LUC7L: variants seen among roughly 807,000 people sequenced by gnomAD.
The protein encoded by LUC7L is putative RNA-binding protein Luc7-like 1.
In LUC7L, 29 loss-of-function variants were observed where a neutral mutation model predicts 51.1. The ratio of observed to expected loss-of-function variants is 0.57; its 90% CI spans 0.42 to 0.77. The LOEUF (loss-of-function observed/expected upper bound fraction) is 0.77, where lower values mean the gene tolerates loss of function less well. LUC7L is among the 30% of genes least tolerant of loss of function. LUC7L has a pLI of 0.00. For synonymous variants in LUC7L, 181 were observed against 180.7 expected (o/e 1.00, Z -0.01); for missense variants, 403 against 511.9 (o/e 0.79, Z 2.05).
At chr16:193,965 G>A (rs963010221) in intron 6 of LUC7L, among the ~76,000 whole-genome samples, 8 of 151,582 alleles carry the variant, frequency 5.3e-5, no homozygotes, top group Non-Finnish European at 1.0e-4. Flanking sequence ...CACTGCGCCC[G>A]GCTAATTTTT....
chr16:194,763 G>A (rs574004821), intron 6 of LUC7L, among the ~76,000 whole-genome samples: 9 of 152,284 alleles, frequency 5.9e-5, no homozygotes, highest in African/African-American at 2.2e-4. Flanking sequence ...AAGGGGATGA[G>A]AAACCTCGCC....
chr16:221,391 G>A (rs1006603820), intron 2 of LUC7L, among the ~76,000 whole-genome samples: 4 of 152,122 alleles, frequency 2.6e-5, no homozygotes, highest in African/African-American at 9.6e-5. Flanking sequence ...ATGGCAGCAT[G>A]TGGGGTGGCA....
chr16:203,804 C>G (rs2049401807), intron 5 of LUC7L, among the ~76,000 whole-genome samples: 2 of 151,996 alleles, frequency 1.3e-5, no homozygotes, highest in Admixed American at 1.3e-4. Context: ...ATCATGAGGT[C>G]AGGAGATAGA....
At position 189,334 on chromosome 16, in the gene LUC7L, G is replaced by T. The variant is rs1357236667; in HGVS notation, c.980C>A (p.Ser327Tyr). ...CTCCTCTCTGGATGCCCGCTCTCTG[G>T]AGAACCTGGGAAATGGGAACCAGAG... is the stretch of plus-strand genomic sequence containing the variant. Reference protein sequence around the residue: ...SRDRSAKYKFSRERASREESW... With the variant: ...SRDRSAKYKFYRERASREESW... Residue 327 changes from serine (S) to tyrosine (Y), a missense_variant, in exon 10 of 10, where the codon TCC becomes TAC. Transcript: ENST00000293872. 2.5e-6 allele frequency: 4 copies of T among 1,607,936 alleles called. No homozygotes were observed. Among genetic ancestry groups the T allele is most frequent in the Non-Finnish European group, 3.4e-6 (4 of 1,177,446 alleles).
At chr16:226,517 A>G (rs575750563) in intron 2 of LUC7L, among the ~76,000 whole-genome samples, 1 of 152,322 alleles carries the variant, frequency 6.6e-6, no homozygotes, top group African/African-American at 2.4e-5. Flanking sequence ...AGGGTTCTAT[A>G]TTCATTAGAT....
intron 6 of LUC7L, among the ~76,000 whole-genome samples, chr16:198,278 CAAAAAAAAAA>C (rs35125597): frequency 8.1e-5 from 4 of 49,262 alleles, no homozygotes; most frequent in African/African-American, 2.6e-4. Context: ...GACTCCATCT[CAAAAAAAAAA>C]AAAAAAAAAA....
chr16:211,773 T>C (rs934114816), intron 3 of LUC7L, among the ~76,000 whole-genome samples: 2 of 152,210 alleles, frequency 1.3e-5, no homozygotes, highest in African/African-American at 4.8e-5. Context: ...ACTTGTGTCC[T>C]AACAGTATGG....
intron 5 of LUC7L, among the ~76,000 whole-genome samples, chr16:199,674 G>C (rs1350663645): frequency 1.3e-5 from 2 of 151,050 alleles, no homozygotes; most frequent in African/African-American, 4.9e-5. Flanking sequence ...TGGAGGCTGA[G>C]GCAGGAGAAT....
chr16:199,671 T>C (rs1298857208), intron 5 of LUC7L, among the ~76,000 whole-genome samples: 2 of 146,510 alleles, frequency 1.4e-5, no homozygotes, highest in Non-Finnish European at 3.0e-5. Flanking sequence ...TTCTGGAGGC[T>C]GAGGCAGGAG....
chr16:224,632 C>A (rs1339557197), intron 2 of LUC7L, among the ~76,000 whole-genome samples: 3 of 151,776 alleles, frequency 2.0e-5, no homozygotes, highest in Non-Finnish European at 4.4e-5. Flanking sequence ...GAGTTTGAGA[C>A]CAGCCTGGCC....
At chr16:200,577 GAAA>G (rs952567652) in intron 5 of LUC7L, among the ~76,000 whole-genome samples, 1 of 144,258 alleles carries the variant, frequency 6.9e-6, no homozygotes, top group Non-Finnish European at 1.5e-5. Context: ...CTCCAAAAAG[GAAA>G]AAAAAAAAAT....
Position 212,991 on chromosome 16 carries a change from T to C in LUC7L, c.256-4803A>G, listed in dbSNP as rs536788070. On this transcript the variant is annotated intron_variant, in intron 3 of 9. Transcript: ENST00000293872. ...TTTGCCCAGGCTGGTCTCGAATTCC[T>C]GGGCTCAAGCAATCTTCCGGCCTCT... Among the ~76,000 whole-genome samples the C allele has an allele frequency of 3.3e-5, 5 of 152,262 alleles. No individual in the cohort carries two copies. In the South Asian group the frequency reaches 1.0e-3, roughly 32 times the overall value.
At chr16:223,627 ACT>A (rs1202033592) in intron 2 of LUC7L, among the ~76,000 whole-genome samples, 1 of 151,766 alleles carries the variant, frequency 6.6e-6, no homozygotes, top group Non-Finnish European at 1.5e-5. Flanking sequence ...ACTTAAAATC[ACT>A]GTCACTGAAA....
chr16:206,220 C>A, intron 4 of LUC7L, 73 bp from the exon 5 acceptor site: 1 of 1,432,726 alleles, frequency 7.0e-7, no homozygotes, highest in Non-Finnish European at 9.6e-7. Flanking sequence ...AGGGTTTCTC[C>A]TGCTCCATTT....
chr16:223,634 C>A (rs772358473), intron 2 of LUC7L, among the ~76,000 whole-genome samples: 13 of 151,780 alleles, frequency 8.6e-5, no homozygotes, highest in Non-Finnish European at 1.5e-4. Context: ...ATCACTGTCA[C>A]TGAAAATCTG....
chr16:193,698 T>C (rs1011706886), intron 6 of LUC7L, among the ~76,000 whole-genome samples: 2 of 151,996 alleles, frequency 1.3e-5, no homozygotes, highest in Non-Finnish European at 2.9e-5. Flanking sequence ...TTTCACCATG[T>C]TGGTCTGGCT....
In LUC7L at chr16:208,320, A is replaced by T. The variant is rs139541910; in HGVS notation, c.256-132T>A. The T allele has an allele frequency of 6.2e-6, 4 of 650,396 alleles. No individual in the cohort carries two copies. In the East Asian group the frequency reaches 1.2e-4, roughly 20 times the overall value. 40.3% of individuals were successfully genotyped at this position (650,396 alleles called of 1,614,324 possible). A position where few individuals can be genotyped will look rare whatever the true frequency, so the allele number is the denominator to read the frequency against. On this transcript the variant is annotated intron_variant, in intron 3 of 9. Coordinates refer to ENST00000293872, the MANE Select transcript of LUC7L (RefSeq NM_201412.3). Reference sequence around the variant, plus strand: ...CCTGTACATTCAAGGGAAAGATCTTAAACTACACTACCACTAACGCATTCA... The same window carrying T: ...CCTGTACATTCAAGGGAAAGATCTTTAACTACACTACCACTAACGCATTCA...
chr16:195,634 C>T (rs1004404985), intron 6 of LUC7L, among the ~76,000 whole-genome samples: 3 of 152,080 alleles, frequency 2.0e-5, no homozygotes, highest in Non-Finnish European at 2.9e-5. Flanking sequence ...ATGTTGCCCA[C>T]GCTGGTCTCA....
intron 3 of LUC7L, chr16:208,679 A>C: frequency 1.0e-6 from 1 of 957,496 alleles, no homozygotes; most frequent in Non-Finnish European, 1.2e-6. Flanking sequence ...AAAACAAAAC[A>C]ATAGAACAAA....
Sources: allele counts gnomAD v4.1 joint callset (sites outside exome capture counted in the v4.1 genomes callset), GRCh38; gene constraint gnomAD v4.1.1; transcripts MANE v1.5; gene names NCBI Gene and HGNC (gene_info 2026-07-23, HGNC 2026-07-21).